Variants in ELK4 observed in about 807,000 individuals in gnomAD.
ELK4 encodes the protein ETS domain-containing protein Elk-4.
Under a neutral mutation model 29.6 loss-of-function variants are expected in ELK4, and 16 were observed. The observed-to-expected ratio is 0.54, with a 90% CI of 0.37 to 0.82. The LOEUF (loss-of-function observed/expected upper bound fraction) is 0.82. ELK4 is among the 40% of genes least tolerant of loss of function. ELK4 has a pLI of 0.00. For synonymous variants in ELK4, 213 were observed against 191.1 expected (o/e 1.11, Z -0.95); for missense variants, 465 against 507.1 (o/e 0.92, Z 0.80).
rs369869307 is a variant in ELK4, at chr1:205,623,632, G to C, written c.207+44C>G. On this transcript the variant is annotated intron_variant, in intron 2 of 4. Coordinates refer to ENST00000357992, the MANE Select transcript of ELK4 (RefSeq NM_001973.4). ...GCCCAGCCAAGAAGGAATCGTTCTT[G>C]TCTGGAGGTTCTCTGTATAGTATAA... The C allele has an allele frequency of 2.0e-4, 317 of 1,602,540 alleles. No individual in the cohort carries two copies. The African/African-American group carries it at 3.3e-3, about 16-fold the overall frequency.
At chr1:205,619,846 T>C in intron 3 of ELK4, 120 bp downstream of exon 3, 3 of 1,606,682 alleles carry the variant, frequency 1.9e-6, no homozygotes, top group Non-Finnish European at 2.6e-6. Context: ...CAGTCACACA[T>C]AACCTTTCTA....
chr1:205,630,555 GTT>G (rs1670560301), intron 1 of ELK4, among the ~76,000 whole-genome samples: 1 of 152,228 alleles, frequency 6.6e-6, no homozygotes, highest in African/African-American at 2.4e-5. Flanking sequence ...AATACTCACC[GTT>G]GTCAAAAAGT....
At chr1:205,629,170 C>CAAAAAAAAAAAAAAAAAAAAAAAAAAA (rs61374496) in intron 1 of ELK4, among the ~76,000 whole-genome samples, 2 of 92,290 alleles carry the variant, frequency 2.2e-5, no homozygotes, top group African/African-American at 4.6e-5. Flanking sequence ...GACTACGTCT[C>CAAAAAAAAAAAAAAAAAAAAAAAAAAA]AAAAAAAAAA....
intron 1 of ELK4, among the ~76,000 whole-genome samples, chr1:205,624,188 A>G (rs1476516367): frequency 1.3e-5 from 2 of 152,242 alleles, no homozygotes; most frequent in Non-Finnish European, 2.9e-5. Context: ...TTAAGCAACA[A>G]GCAACTTGCA....
intron 2 of ELK4, among the ~76,000 whole-genome samples, chr1:205,621,055 C>T (rs1468538811): frequency 6.6e-6 from 1 of 151,810 alleles, no homozygotes; most frequent in Admixed American, 6.6e-5. Flanking sequence ...ATTTGCAGGG[C>T]ATGGTGGCGT....
At chr1:205,625,540 A>T (rs1039941502) in intron 1 of ELK4, 1 of 799,830 alleles carries the variant, frequency 1.3e-6, no homozygotes, top group Non-Finnish European at 2.3e-6. Flanking sequence ...TCCGAGAGCA[A>T]GAAGACTGGA....
At chr1:205,626,444 T>C (rs926497615) in intron 1 of ELK4, among the ~76,000 whole-genome samples, 1 of 152,182 alleles carries the variant, frequency 6.6e-6, no homozygotes, top group South Asian at 2.1e-4. Context: ...TTCTGTTCCC[T>C]TTCTGACTGC....
chr1:205,630,287 T>C (rs777928475), intron 1 of ELK4, among the ~76,000 whole-genome samples: 19 of 152,214 alleles, frequency 1.2e-4, no homozygotes, highest in Non-Finnish European at 2.1e-4. Context: ...ACTTCAAAGA[T>C]AGACCAATCC....
chr1:205,609,802 CAAT>C lies in ELK4; in HGVS notation c.*6741_*6743del, dbSNP rs1451592866. On this transcript the variant is annotated 3_prime_UTR_variant, in exon 5 of 5. Transcript: ENST00000357992. ...AAAAATCGTAAATTTCTACAAAGCA[CAAT>C]ATTAAAAGCTTGCAAATTATTTTAA... is the stretch of plus-strand genomic sequence containing the variant. 1 of 215,924 alleles carries C rather than the reference CAAT, an allele frequency of 4.6e-6. No individual in the cohort carries two copies. Among genetic ancestry groups the C allele is most frequent in the East Asian group, 6.9e-5 (1 of 14,524 alleles). 13.4% of individuals were successfully genotyped at this position (215,924 alleles called of 1,614,324 possible).
rs1181341740 is a variant in ELK4 at position 205,615,921 on chromosome 1, A to G, written c.*625T>C. The G allele has an allele frequency of 9.2e-6, 2 of 217,094 alleles. No individual in the cohort carries two copies. The highest frequency in any genetic ancestry group is 4.5e-5 in the African/African-American group (2 of 44,436). The allele number at this position is 217,094 out of a possible 1,614,324, so 13.4% of individuals were successfully genotyped here. On this transcript the variant is annotated 3_prime_UTR_variant, in exon 5 of 5. Transcript: ENST00000357992. ...CATATGGCTAAGAGATCCACCCTGA[A>G]TAAAGGTAAACAAGATGCCTTTTCA...
chr1:205,629,170 CAAA>C (rs61374496), intron 1 of ELK4, among the ~76,000 whole-genome samples: 8 of 92,268 alleles, frequency 8.7e-5, no homozygotes, highest in African/African-American at 1.8e-4. Flanking sequence ...GACTACGTCT[CAAA>C]AAAAAAAAAA....
At position 205,631,726 on chromosome 1, in the gene ELK4, G is replaced by A. The variant is rs751301624; in HGVS notation, c.-104C>T. 3.2e-6 allele frequency: 1 copy of A among 315,464 alleles called. No homozygotes were observed. The highest frequency in any genetic ancestry group is 2.2e-5 in the South Asian group (1 of 44,570). 19.5% of individuals were successfully genotyped at this position (315,464 alleles called of 1,614,324 possible). A position where few individuals can be genotyped will look rare whatever the true frequency, so the allele number is the denominator to read the frequency against. On this transcript the variant is annotated 5_prime_UTR_variant, in exon 1 of 5. Coordinates refer to ENST00000357992, the MANE Select transcript of ELK4 (RefSeq NM_001973.4). ...CTCCTCACGCTGGAAACTCGAGGAC[G>A]GCGCGGCAGCCGCTGCGACCCCCGC...
Position 205,631,448 on chromosome 1 carries a change from G to A in ELK4, c.-10+184C>T, listed in dbSNP as rs377438906. The stretch of plus-strand genomic sequence containing the variant: ...CGAGAGCTGAGCGGTGCGCTGCGGC[G>A]TCCACCTGTGCGCCGCGGTGCCCGG... On this transcript the variant is annotated intron_variant, in intron 1 of 4. Transcript: ENST00000357992. Among the ~76,000 whole-genome samples the A allele has an allele frequency of 7.4e-4, 112 of 151,186 alleles. 2 individuals carry two copies. The East Asian group carries it at 0.019, about 25-fold the overall frequency.
chr1:205,623,525 G>A (rs1249504249), intron 2 of ELK4, 151 bp downstream of exon 2: 3 of 792,366 alleles, frequency 3.8e-6, no homozygotes, highest in African/African-American at 3.5e-5. Context: ...ACATCGGTTA[G>A]GCTGGTCTTG....
At position 205,608,967 on chromosome 1, in the gene ELK4, A is replaced by T. The variant is rs1157288379; in HGVS notation, c.*7579T>A. 1 of 189,434 alleles carries T rather than the reference A, an allele frequency of 5.3e-6. No individual in the cohort carries two copies. Among genetic ancestry groups the T allele is most frequent in the Non-Finnish European group, 1.1e-5 (1 of 90,114 alleles). 11.7% of individuals were successfully genotyped at this position (189,434 alleles called of 1,614,324 possible). On this transcript the variant is annotated 3_prime_UTR_variant, in exon 5 of 5. Coordinates refer to ENST00000357992, the MANE Select transcript of ELK4 (RefSeq NM_001973.4). ...CAGACATATGCTTTTCTTCTGAATT[A>T]CAGATTGGCTTAATGAAAATTAAGA... is the stretch of plus-strand genomic sequence containing the variant.
intron 1 of ELK4, among the ~76,000 whole-genome samples, chr1:205,629,765 A>T (rs1476681656): frequency 6.6e-6 from 1 of 151,654 alleles, no homozygotes; most frequent in Non-Finnish European, 1.5e-5. Flanking sequence ...ATCCCCTAAG[A>T]CAGTTATTAA....
Position 205,619,053 on chromosome 1 carries a change from T to G in ELK4, c.1101A>C (p.Pro367=). The G allele has an allele frequency of 6.2e-7, 1 of 1,603,238 alleles. No individual in the cohort carries two copies. Among genetic ancestry groups the G allele is most frequent in the Non-Finnish European group, 8.5e-7 (1 of 1,176,216 alleles). The change falls in exon 4 of 5, where the codon CCA becomes CCC. Residue 367 remains proline (P), a synonymous_variant. Transcript: ENST00000357992. ...FFSQTPIILT[P]SPLLSSIHFW... ...AGTGGATACTGGAGAGCAAGGGGCT[T>G]GGAGTCAGTATGATGGGTGTCTGCA...
In ELK4 at chr1:205,620,835, T is replaced by C. The variant is rs761930402; in HGVS notation, c.211A>G (p.Ile71Val). Residue 71 changes from isoleucine to valine, a missense_variant, in exon 3 of 5, where the codon ATC (isoleucine) becomes GTC (valine). Ile to Val is a conservative substitution (Grantham distance 29). Transcript: ENST00000357992. Reference protein sequence around the residue: ...RALRYYYVKNIIKKVNGQKFV... With the variant: ...RALRYYYVKNVIKKVNGQKFV... ...TTCTGACCATTCACTTTTTTGATGA[T>C]ATTCTGTAGGTTAAAAAAAAAAGCA... 2.5e-6 allele frequency: 4 copies of C among 1,601,014 alleles called. No individual in the cohort carries two copies. The highest frequency in any genetic ancestry group is 3.4e-6 in the Non-Finnish European group (4 of 1,176,084).
chr1:205,620,307 T>A lies in ELK4; in HGVS notation c.739A>T (p.Thr247Ser). The A allele has an allele frequency of 6.2e-7, 1 of 1,614,146 alleles. No individual in the cohort carries two copies. Among genetic ancestry groups the A allele is most frequent in the African/African-American group, 1.3e-5 (1 of 75,024 alleles). Reference sequence around the variant, plus strand: ...ATGGGTGGTGTGGTGGCAAAAGCAGTCATTACGTTAGAGGCAGAGGTTGGG... The same window carrying A: ...ATGGGTGGTGTGGTGGCAAAAGCAGACATTACGTTAGAGGCAGAGGTTGGG... Reference protein sequence around the residue: ...EAPTSASNVMTAFATTPPISS... With the variant: ...EAPTSASNVMSAFATTPPISS... Residue 247 changes from threonine to serine, a missense_variant, in exon 3 of 5, where the codon ACT becomes TCT. Physicochemically the swap from Thr to Ser is moderately conservative, Grantham distance 58 (BLOSUM62 1). Coordinates refer to ENST00000357992, the MANE Select transcript of ELK4 (RefSeq NM_001973.4).
Sources: allele counts gnomAD v4.1 joint callset (sites outside exome capture counted in the v4.1 genomes callset), GRCh38; gene constraint gnomAD v4.1.1; transcripts MANE v1.5; gene names NCBI Gene and HGNC (gene_info 2026-07-23, HGNC 2026-07-21).